Variants in CFAP210 observed in about 807,000 individuals in gnomAD.
The protein encoded by CFAP210 is cilia and flagella associated protein 210.
At chr2:169,646,013 G>A in the CFAP210 span, 5 of 1,613,772 alleles carry the variant, frequency 3.1e-6, no homozygotes, top group Admixed American at 6.7e-5. Flanking sequence ...TTCCTGTACA[G>A]CTTTTACAAG....
chr2:169,655,288 G>A, the CFAP210 span, among the ~76,000 whole-genome samples: 3 of 152,110 alleles, frequency 2.0e-5, no homozygotes, highest in African/African-American at 7.2e-5. Context: ...ACGAGCCACC[G>A]TGCCTGGCAT....
chr2:169,692,595 A>G, the CFAP210 span, among the ~76,000 whole-genome samples: 1 of 152,172 alleles, frequency 6.6e-6, no homozygotes, highest in Non-Finnish European at 1.5e-5. Flanking sequence ...CTCATGGCCT[A>G]TCACCTCTCA....
chr2:169,683,536 T>C, the CFAP210 span, among the ~76,000 whole-genome samples: 1 of 152,236 alleles, frequency 6.6e-6, no homozygotes, highest in South Asian at 2.1e-4. Context: ...TTGCTAGGCA[T>C]GTTAATATCT....
the CFAP210 span, among the ~76,000 whole-genome samples, chr2:169,656,083 A>G: frequency 6.6e-6 from 1 of 152,134 alleles, no homozygotes; most frequent in African/African-American, 2.4e-5. Flanking sequence ...AAATTCCTTA[A>G]AAGGAGAACA....
At chr2:169,692,053 G>A in the CFAP210 span, among the ~76,000 whole-genome samples, 1 of 152,168 alleles carries the variant, frequency 6.6e-6, no homozygotes. Context: ...AGAGTCTCAA[G>A]GTAAGTCATA....
At chr2:169,649,758 G>A in the CFAP210 span, among the ~76,000 whole-genome samples, 3 of 151,848 alleles carry the variant, frequency 2.0e-5, no homozygotes, top group Admixed American at 6.6e-5. Context: ...ATGGAGAAAC[G>A]CTGTCTCTAC....
the CFAP210 span, among the ~76,000 whole-genome samples, chr2:169,663,644 T>C: frequency 2.0e-5 from 3 of 152,186 alleles, no homozygotes; most frequent in African/African-American, 7.2e-5. Flanking sequence ...TTTGTTACTG[T>C]TAAGCCAATT....
chr2:169,670,722 AC>A, the CFAP210 span, among the ~76,000 whole-genome samples: 1 of 152,198 alleles, frequency 6.6e-6, no homozygotes, highest in Admixed American at 6.5e-5. Flanking sequence ...TCCTTACACC[AC>A]AGCAGTTAGG....
At chr2:169,655,007 G>A in the CFAP210 span, among the ~76,000 whole-genome samples, 1 of 152,066 alleles carries the variant, frequency 6.6e-6, no homozygotes, top group Non-Finnish European at 1.5e-5. Context: ...AACAAAAATT[G>A]TAAAAGTAGG....
the CFAP210 span, among the ~76,000 whole-genome samples, chr2:169,673,551 T>C: frequency 6.6e-6 from 1 of 152,222 alleles, no homozygotes; most frequent in Non-Finnish European, 1.5e-5. Context: ...TGAGAACTGA[T>C]GTCTGTGTCA....
the CFAP210 span, among the ~76,000 whole-genome samples, chr2:169,684,890 A>C: frequency 6.6e-6 from 1 of 152,198 alleles, no homozygotes; most frequent in Non-Finnish European, 1.5e-5. Context: ...TCCTGGCCTC[A>C]AGTGATCCAC....
chr2:169,691,664 T>G, the CFAP210 span, among the ~76,000 whole-genome samples: 1 of 152,256 alleles, frequency 6.6e-6, no homozygotes, highest in African/African-American at 2.4e-5. Context: ...TGAAACCTTT[T>G]TCTTGTGTTT....
chr2:169,684,551 A>G, the CFAP210 span, among the ~76,000 whole-genome samples: 1 of 152,224 alleles, frequency 6.6e-6, no homozygotes, highest in East Asian at 1.9e-4. Flanking sequence ...GCATGGAATC[A>G]TACAATATGT....
At chr2:169,651,122 G>A in the CFAP210 span, among the ~76,000 whole-genome samples, 1 of 151,498 alleles carries the variant, frequency 6.6e-6, no homozygotes, top group Non-Finnish European at 1.5e-5. Context: ...AGCTACTCAG[G>A]AGGCTGAGGC....
At chr2:169,683,824 A>G in the CFAP210 span, among the ~76,000 whole-genome samples, 1 of 152,212 alleles carries the variant, frequency 6.6e-6, no homozygotes, top group Admixed American at 6.5e-5. Flanking sequence ...GAACAAACAA[A>G]GAGAACAGCC....
the CFAP210 span, among the ~76,000 whole-genome samples, chr2:169,647,487 G>A: frequency 6.6e-6 from 1 of 152,118 alleles, no homozygotes; most frequent in African/African-American, 2.4e-5. Flanking sequence ...TACCTTCGAA[G>A]TACATTTGGA....
At chr2:169,685,106 A>G in the CFAP210 span, among the ~76,000 whole-genome samples, 1 of 152,186 alleles carries the variant, frequency 6.6e-6, no homozygotes, top group African/African-American at 2.4e-5. Flanking sequence ...TTCTGTGTGG[A>G]CACATATTTT....
chr2:169,674,802 A>T, the CFAP210 span: 2 of 1,514,148 alleles, frequency 1.3e-6, no homozygotes, highest in Admixed American at 2.6e-5. Flanking sequence ...CTTTAAGGAA[A>T]TGATGCCTAA....
the CFAP210 span, among the ~76,000 whole-genome samples, chr2:169,686,992 C>T: frequency 2.0e-5 from 3 of 152,176 alleles, no homozygotes; most frequent in South Asian, 2.1e-4. Flanking sequence ...AAAGGCACTT[C>T]TTACATGGTG....
Sources: gnomAD v4.1 joint callset for allele counts (sites outside exome capture counted in the v4.1 genomes callset) on GRCh38, gnomAD v4.1.1 for gene constraint, MANE v1.5 for transcripts, NCBI Gene and HGNC (gene_info 2026-07-23, HGNC 2026-07-21) for gene names.